The following TNR variants were observed in gnomAD, a reference collection of about 807,000 sequenced individuals.
The protein encoded by TNR is tenascin R.
Under a neutral mutation model 150.4 loss-of-function variants are expected in TNR, and 45 were observed. That is an observed-to-expected ratio of 0.30 (90% CI 0.24 to 0.38). TNR has a LOEUF of 0.38. TNR is among the 10% of genes least tolerant of loss of function. The probability of loss-of-function intolerance (pLI) is 1.00; values close to 1 mark genes in which losing one functional copy is unlikely to be tolerated. For synonymous variants in TNR, 687 were observed against 678.4 expected (o/e 1.01, Z -0.20); for missense variants, 1,544 against 1,759.1 (o/e 0.88, Z 2.19).
At chr1:175,425,928 G>T (rs958300533) in intron 2 of TNR, among the ~76,000 whole-genome samples, 1 of 152,140 alleles carries the variant, frequency 6.6e-6, no homozygotes, top group Admixed American at 6.5e-5. Flanking sequence ...GCATCATTGG[G>T]ATAAGGCCAG....
At chr1:175,583,428 G>T (rs748710030) in intron 1 of TNR, among the ~76,000 whole-genome samples, 9 of 152,188 alleles carry the variant, frequency 5.9e-5, no homozygotes, top group Non-Finnish European at 1.2e-4. Flanking sequence ...CCAGCAGCAG[G>T]CAGCAGCAGA....
chr1:175,337,443 G>A, intron 19 of TNR, 85 bp downstream of exon 19: 2 of 1,527,642 alleles, frequency 1.3e-6, no homozygotes, highest in Non-Finnish European at 1.8e-6. Context: ...CAGGAGGATG[G>A]TGAAGTTGGC....
At chr1:175,470,988 C>A (rs1296529046) in intron 2 of TNR, among the ~76,000 whole-genome samples, 1 of 152,204 alleles carries the variant, frequency 6.6e-6, no homozygotes, top group Non-Finnish European at 1.5e-5. Context: ...CAATTGGATG[C>A]ACTAGAAATT....
chr1:175,583,546 G>C (rs1473591014), intron 1 of TNR, among the ~76,000 whole-genome samples: 1 of 152,204 alleles, frequency 6.6e-6, no homozygotes, highest in African/African-American at 2.4e-5. Context: ...GGGCTAGCAG[G>C]TCTAAGAAAG....
intron 1 of TNR, among the ~76,000 whole-genome samples, chr1:175,615,053 AGGGAG>A (rs1310549973): frequency 6.6e-6 from 1 of 152,196 alleles, no homozygotes; most frequent in African/African-American, 2.4e-5. Context: ...TTTCTTCCTG[AGGGAG>A]GAAGGAAGGA....
intron 1 of TNR, among the ~76,000 whole-genome samples, chr1:175,721,130 G>A (rs1286162323): frequency 3.9e-5 from 6 of 152,064 alleles, no homozygotes; most frequent in Non-Finnish European, 8.8e-5. Context: ...ATCATTCAGG[G>A]CTCAGCTTAA....
At chr1:175,701,097 T>C (rs1666682021) in intron 1 of TNR, among the ~76,000 whole-genome samples, 1 of 152,244 alleles carries the variant, frequency 6.6e-6, no homozygotes, top group African/African-American at 2.4e-5. Context: ...AAATTCTCTG[T>C]CTTTTTATGC....
At chr1:175,640,006 G>A (rs1326926968) in intron 1 of TNR, among the ~76,000 whole-genome samples, 2 of 152,196 alleles carry the variant, frequency 1.3e-5, no homozygotes, top group African/African-American at 2.4e-5. Context: ...GTTTACTGCT[G>A]TAACCCCACT....
At chr1:175,618,275 T>G (rs1663845353) in intron 1 of TNR, among the ~76,000 whole-genome samples, 1 of 152,232 alleles carries the variant, frequency 6.6e-6, no homozygotes, top group South Asian at 2.1e-4. Flanking sequence ...GTAGTTACCA[T>G]GTGATTAAGG....
At chr1:175,355,431 C>G (rs1571330474) in intron 17 of TNR, 72 bp downstream of exon 17, 2 of 1,572,078 alleles carry the variant, frequency 1.3e-6, no homozygotes, top group East Asian at 4.5e-5. Flanking sequence ...GTCCTGTGGT[C>G]ACTCCACTAG....
chr1:175,451,150 C>T (rs1476823304), intron 2 of TNR, among the ~76,000 whole-genome samples: 1 of 151,462 alleles, frequency 6.6e-6, no homozygotes, highest in Non-Finnish European at 1.5e-5. Flanking sequence ...TGCCTTTGCA[C>T]TTGAGGAAAC....
intron 1 of TNR, among the ~76,000 whole-genome samples, chr1:175,546,593 A>G (rs1194787913): frequency 1.3e-5 from 2 of 152,206 alleles, no homozygotes. Flanking sequence ...ACGATATCAC[A>G]TAACCAAGTA....
chr1:175,472,145 CA>C (rs1657318102), intron 2 of TNR, among the ~76,000 whole-genome samples: 3 of 152,182 alleles, frequency 2.0e-5, no homozygotes, highest in East Asian at 3.9e-4. Context: ...CTCTACAAAA[CA>C]AGCAAACAAA....
At chr1:175,641,682 T>C (rs1664665621) in intron 1 of TNR, among the ~76,000 whole-genome samples, 1 of 152,166 alleles carries the variant, frequency 6.6e-6, no homozygotes, top group South Asian at 2.1e-4. Flanking sequence ...AATAAAAAAG[T>C]ACTTTTCACT....
intron 1 of TNR, among the ~76,000 whole-genome samples, chr1:175,600,672 C>A (rs1217362221): frequency 6.6e-6 from 1 of 152,236 alleles, no homozygotes; most frequent in Non-Finnish European, 1.5e-5. Flanking sequence ...CCCTGCTTTA[C>A]TCCTGAAGCT....
chr1:175,465,465 T>C (rs192971691), intron 2 of TNR, among the ~76,000 whole-genome samples: 77 of 152,334 alleles, frequency 5.1e-4, no homozygotes, highest in African/African-American at 1.7e-3. Flanking sequence ...CTAAGTGTCC[T>C]TATGGGATTT....
At chr1:175,674,811 C>T (rs983959377) in intron 1 of TNR, among the ~76,000 whole-genome samples, 1 of 152,130 alleles carries the variant, frequency 6.6e-6, no homozygotes. Flanking sequence ...AGGACCAGGC[C>T]CCCCAGCATC....
At chr1:175,661,576 G>T (rs893239977) in intron 1 of TNR, among the ~76,000 whole-genome samples, 1 of 152,134 alleles carries the variant, frequency 6.6e-6, no homozygotes, top group African/African-American at 2.4e-5. Flanking sequence ...GCCTCCCGCT[G>T]CTTGACAGCA....
Position 175,341,790 on chromosome 1 carries a change from T to C in TNR, c.3383-4111A>G, listed in dbSNP as rs113670940. On this transcript the variant is annotated intron_variant, in intron 18 of 22. Coordinates refer to ENST00000367674, the MANE Select transcript of TNR (RefSeq NM_003285.3). ...TTCTCTGTAAGCGCAGAACACAGTG[T>C]TGCGCCATAGAAGTGCAGGCGGCCA... Among the ~76,000 whole-genome samples, 536 of 152,380 alleles carry C rather than the reference T, an allele frequency of 3.5e-3. 7 individuals carry two copies. Among genetic ancestry groups the C allele is most frequent in the African/African-American group, 0.012 (514 of 41,594 alleles).
Sources: gnomAD v4.1 joint callset for allele counts (sites outside exome capture counted in the v4.1 genomes callset) on GRCh38, gnomAD v4.1.1 for gene constraint, MANE v1.5 for transcripts, NCBI Gene and HGNC (gene_info 2026-07-23, HGNC 2026-07-21) for gene names.